STK3: variants seen among roughly 807,000 people sequenced by gnomAD.
STK3 encodes the protein serine/threonine-protein kinase 3.
In STK3, 41 loss-of-function variants were observed where a neutral mutation model predicts 58.0. The observed-to-expected ratio is 0.71, with a 90% confidence interval of 0.55 to 0.92. STK3 has a LOEUF of 0.92. STK3 is among the 40% of genes least tolerant of loss of function. STK3 has a pLI of 0.00. For synonymous variants in STK3, 170 were observed against 191.0 expected (o/e 0.89, Z 0.91); for missense variants, 479 against 602.7 (o/e 0.79, Z 2.15).
chr8:98,644,022 A>AT (rs1283930259), intron 6 of STK3, among the ~76,000 whole-genome samples: 2 of 152,192 alleles, frequency 1.3e-5, no homozygotes, highest in African/African-American at 4.8e-5. Flanking sequence ...CTCAACAATA[A>AT]TAATAACAAC....
At chr8:98,438,455 A>G (rs1818570709) in intron 1 of STK3, 1 of 152,200 alleles carries the variant, frequency 6.6e-6, no homozygotes, top group Admixed American at 6.5e-5. Flanking sequence ...ATGCCAGGAG[A>G]AGAACCAAGA....
At chr8:98,724,874 T>C (rs995800710) in intron 4 of STK3, among the ~76,000 whole-genome samples, 2 of 152,178 alleles carry the variant, frequency 1.3e-5, no homozygotes, top group Non-Finnish European at 1.5e-5. Flanking sequence ...AAAGACTATC[T>C]AGAGTCTTTT....
intron 4 of STK3, among the ~76,000 whole-genome samples, chr8:98,738,582 A>G (rs1828836954): frequency 1.3e-5 from 2 of 152,240 alleles, no homozygotes; most frequent in Non-Finnish European, 2.9e-5. Context: ...CCACCATATA[A>G]TTAAGAACAT....
At chr8:98,412,323 C>T (rs898229102) in intron 3 of STK3, among the ~76,000 whole-genome samples, 1 of 152,208 alleles carries the variant, frequency 6.6e-6, no homozygotes, top group African/African-American at 2.4e-5. Flanking sequence ...AAACAGTCTC[C>T]ATTGTTCAGG....
At chr8:98,792,896 A>G (rs899968417) in intron 1 of STK3, among the ~76,000 whole-genome samples, 1,652 of 145,760 alleles carry the variant, frequency 0.011, 20 homozygotes, top group African/African-American at 0.035. Context: ...AAGAGACTGT[A>G]TGTGTGTGTG....
At chr8:98,564,431 T>C (rs951082513) in intron 8 of STK3, among the ~76,000 whole-genome samples, 4 of 152,068 alleles carry the variant, frequency 2.6e-5, no homozygotes, top group African/African-American at 9.7e-5. Flanking sequence ...GAAGCTGATC[T>C]CATGGAAGTA....
chr8:98,357,073 GAA>G, the STK3 span, among the ~76,000 whole-genome samples: 2 of 152,156 alleles, frequency 1.3e-5, no homozygotes, highest in Non-Finnish European at 2.9e-5. Flanking sequence ...ATTGAAGAAG[GAA>G]AGAGTCTTTG....
chr8:98,517,059 A>G (rs1824984237), intron 10 of STK3, among the ~76,000 whole-genome samples: 1 of 152,086 alleles, frequency 6.6e-6, no homozygotes, highest in Admixed American at 6.6e-5. Context: ...TGAATTCATG[A>G]AGAAAAAAAG....
At chr8:98,423,682 C>G (rs1191781613) in intron 3 of STK3, among the ~76,000 whole-genome samples, 7 of 152,166 alleles carry the variant, frequency 4.6e-5, no homozygotes, top group Admixed American at 4.6e-4. Context: ...TGCTGAAACA[C>G]CAGGGGGAAG....
intron 10 of STK3, among the ~76,000 whole-genome samples, chr8:98,456,241 T>C (rs1265301480): frequency 6.6e-6 from 1 of 152,182 alleles, no homozygotes. Flanking sequence ...TCCTCTGCCT[T>C]TAATAAAGGG....
At chr8:98,609,100 C>T (rs1247416931) in intron 6 of STK3, among the ~76,000 whole-genome samples, 2 of 152,158 alleles carry the variant, frequency 1.3e-5, no homozygotes, top group Non-Finnish European at 2.9e-5. Context: ...CACAACCCTT[C>T]CGCAAGCATT....
intron 10 of STK3, among the ~76,000 whole-genome samples, chr8:98,487,507 A>C (rs1377592789): frequency 1.3e-5 from 2 of 152,220 alleles, no homozygotes; most frequent in African/African-American, 4.8e-5. Context: ...TGCAAGTCCA[A>C]TAATTTCTAC....
chr8:98,887,325 C>T (rs754128547), intron 1 of STK3, among the ~76,000 whole-genome samples: 23 of 152,000 alleles, frequency 1.5e-4, no homozygotes, highest in Non-Finnish European at 2.5e-4. Flanking sequence ...TTTTGGAGTT[C>T]AGATTTTTTG....
At chr8:98,769,822 C>G (rs1419452399) in intron 2 of STK3, among the ~76,000 whole-genome samples, 1 of 152,164 alleles carries the variant, frequency 6.6e-6, no homozygotes. Context: ...AGTTATAGAA[C>G]AAACACAGCA....
At chr8:98,501,154 T>C (rs1283365159) in intron 10 of STK3, among the ~76,000 whole-genome samples, 1 of 148,040 alleles carries the variant, frequency 6.8e-6, no homozygotes, top group Non-Finnish European at 1.5e-5. Context: ...GTTTCTCTAA[T>C]GACCAGCAAT....
intron 1 of STK3, among the ~76,000 whole-genome samples, chr8:98,899,409 A>G (rs979282903): frequency 6.6e-6 from 1 of 152,178 alleles, no homozygotes; most frequent in Non-Finnish European, 1.5e-5. Context: ...AAATATCTGG[A>G]AAAAAATTGT....
chr8:98,617,695 A>C (rs1397433377), intron 6 of STK3, among the ~76,000 whole-genome samples: 1 of 151,782 alleles, frequency 6.6e-6, no homozygotes, highest in Non-Finnish European at 1.5e-5. Context: ...CTCTATGCAA[A>C]TAAACTAGAA....
chr8:98,826,200 C>G (rs1402175356), upstream of STK3, among the ~76,000 whole-genome samples: 1 of 152,234 alleles, frequency 6.6e-6, no homozygotes, highest in Admixed American at 6.5e-5. Context: ...CTTTGGCTTT[C>G]CCAACGACAC....
At chr8:98,871,443 A>G (rs529815248) in intron 3 of STK3, among the ~76,000 whole-genome samples, 1 of 152,196 alleles carries the variant, frequency 6.6e-6, no homozygotes, top group South Asian at 2.1e-4. Context: ...CAGTATGGCC[A>G]TTTTCTCGAT....
Sources: allele counts gnomAD v4.1 joint callset (sites outside exome capture counted in the v4.1 genomes callset), GRCh38; gene constraint gnomAD v4.1.1; transcripts MANE v1.5; gene names NCBI Gene and HGNC (gene_info 2026-07-23, HGNC 2026-07-21).